The following ANK1 variants were observed in gnomAD, a reference collection of about 807,000 sequenced individuals.
ANK1 encodes the protein ankyrin-1.
A neutral mutation model predicts 210.4 loss-of-function variants in ANK1; 51 were observed. That is an observed-to-expected ratio of 0.24 (90% CI 0.19 to 0.31). The LOEUF is 0.31. ANK1 is among the 10% of genes least tolerant of loss of function. The pLI is 1.00. For synonymous variants in ANK1, 967 were observed against 1,025.9 expected, an observed-to-expected ratio of 0.94 and a Z score of 1.10; for missense variants, 2,051 against 2,504.4, an observed-to-expected ratio of 0.82 and a Z score of 3.86.
In ANK1 at chr8:41,870,858, T is replaced by G. The variant is rs1264940989; in HGVS notation, c.126+25497A>C. ...GGACACGTGGTGCTGCTGGGGGTCA[T>G]GGGTCGGAGCCTCTGCTTGGCGAAC... On this transcript the variant is annotated intron_variant, in intron 1 of 42. Coordinates refer to the ANK1 transcript ENST00000265709. Among the ~76,000 whole-genome samples, 9 of 152,262 alleles carry G rather than the reference T, an allele frequency of 5.9e-5. No homozygotes were observed. In the South Asian group the frequency reaches 8.3e-4, roughly 14 times the overall value.
rs373076668 is a variant in ANK1, at chr8:41,810,030, G to C, written c.127-51893C>G. On this transcript the variant is annotated intron_variant, in intron 1 of 42. Coordinates refer to the ANK1 transcript ENST00000265709. ...GTGTTATATGCAGGCAGTGGGGAGG[G>C]GGGACAGGGAGAGAGACTGAAGGAG... 5.9e-5 allele frequency among the ~76,000 whole-genome samples: 9 copies of C among 152,306 alleles called. No homozygotes were observed. In the South Asian group the frequency reaches 1.7e-3, roughly 28 times the overall value.
intron 1 of ANK1, among the ~76,000 whole-genome samples, chr8:41,852,422 C>T (rs1213856987): frequency 6.6e-6 from 1 of 152,196 alleles, no homozygotes; most frequent in African/African-American, 2.4e-5. Flanking sequence ...GCGAGAGGCT[C>T]TGCTGATGAC....
At chr8:41,712,917 C>T (rs771945761) in intron 16 of ANK1, among the ~76,000 whole-genome samples, 4 of 152,138 alleles carry the variant, frequency 2.6e-5, no homozygotes, top group African/African-American at 9.7e-5. Context: ...AAGTCGACAT[C>T]GCAGCGGGGC....
At chr8:41,697,077 C>T (rs1821255426) in intron 24 of ANK1, among the ~76,000 whole-genome samples, 1 of 31,938 alleles carries the variant, frequency 3.1e-5, no homozygotes, top group Admixed American at 6.1e-4. Context: ...GCACCTGCTG[C>T]AGACCCGCCC....
intron 20 of ANK1, 46 bp downstream of exon 20, chr8:41,703,995 G>A: frequency 6.5e-7 from 1 of 1,545,130 alleles, no homozygotes; most frequent in Non-Finnish European, 8.9e-7. Flanking sequence ...CAGGGCTGCT[G>A]CCATGGGGAG....
Position 41,664,822 on chromosome 8 carries a change from G to A in ANK1, c.5395-1080C>T, listed in dbSNP as rs143349452. 2.5e-6 allele frequency: 4 copies of A among 1,609,296 alleles called. No homozygotes were observed. The highest frequency in any genetic ancestry group is 2.2e-5 in the East Asian group (1 of 44,656). On this transcript the variant is annotated intron_variant, in intron 39 of 42. Coordinates refer to ENST00000289734, the MANE Select transcript of ANK1 (RefSeq NM_000037.4). The stretch of plus-strand genomic sequence containing the variant: ...GCGGTTACCTTCAGGAAGACCCGCC[G>A]CCGGACCACCCTGGTGGAGATGGTC...
intron 1 of ANK1, among the ~76,000 whole-genome samples, chr8:41,779,792 A>G (rs1007933402): frequency 6.6e-6 from 1 of 152,244 alleles, no homozygotes; most frequent in African/African-American, 2.4e-5. Flanking sequence ...AAGGTCACAT[A>G]GCAGAGAAGT....
At position 41,695,342 on chromosome 8, in the gene ANK1, G is replaced by A. The variant is rs201148593; in HGVS notation, c.2961-11C>T. 5.6e-5 allele frequency: 91 copies of A among 1,613,852 alleles called. 1 individual carries two copies. The African/African-American group carries it at 1.1e-3, about 20-fold the overall frequency. Reference sequence around the variant, plus strand: ...TCCACGATTACAGGGCTGAGGCAAGGACACAGTGGTGGTGGGGAGGTGCTC... The same window carrying A: ...TCCACGATTACAGGGCTGAGGCAAGAACACAGTGGTGGTGGGGAGGTGCTC... On this transcript the variant is annotated splice_polypyrimidine_tract_variant and intron_variant, in intron 26 of 42. Coordinates refer to ENST00000289734, the MANE Select transcript of ANK1 (RefSeq NM_000037.4).
At chr8:41,722,503 A>AGCAGTGTGG (rs1466110189) in intron 9 of ANK1, among the ~76,000 whole-genome samples, 1 of 152,260 alleles carries the variant, frequency 6.6e-6, no homozygotes, top group Non-Finnish European at 1.5e-5. Flanking sequence ...AGGCACAGGC[A>AGCAGTGTGG]GCAGTGTGGC....
At chr8:41,883,107 G>C (rs1347515067) in intron 1 of ANK1, among the ~76,000 whole-genome samples, 1 of 152,192 alleles carries the variant, frequency 6.6e-6, no homozygotes, top group Non-Finnish European at 1.5e-5. Flanking sequence ...CATATCCAAA[G>C]GGCCAGCTCT....
chr8:41,848,231 A>AAATAAATAAAT (rs1810463480), intron 1 of ANK1, among the ~76,000 whole-genome samples: 1 of 122,660 alleles, frequency 8.2e-6, no homozygotes, highest in Non-Finnish European at 1.8e-5. Flanking sequence ...AATAAATAAA[A>AAATAAATAAAT]CTGTGCAATA....
At position 41,730,621 on chromosome 8, in the gene ANK1, T is replaced by C. The variant is rs576770943; in HGVS notation, c.229-2615A>G. On this transcript the variant is annotated intron_variant, in intron 3 of 42. Transcript: ENST00000289734. ...TATCCATTGGAGAATAAATGCCAGA[T>C]ATGAAAGTCTGGAAGCTCATTAATA... 5.3e-5 allele frequency among the ~76,000 whole-genome samples: 8 copies of C among 152,180 alleles called. No homozygotes were observed. In the South Asian group the frequency reaches 1.7e-3, roughly 32 times the overall value.
chr8:41,850,816 A>G (rs1587416494), intron 1 of ANK1, among the ~76,000 whole-genome samples: 1 of 152,306 alleles, frequency 6.6e-6, no homozygotes, highest in Non-Finnish European at 1.5e-5. Context: ...AAACAAATGA[A>G]TGAGAAGCTT....
chr8:41,883,718 C>G (rs1369619483), intron 1 of ANK1, among the ~76,000 whole-genome samples: 1 of 152,118 alleles, frequency 6.6e-6, no homozygotes, highest in African/African-American at 2.4e-5. Flanking sequence ...CCTCAGCCAC[C>G]CAAAGAGCTG....
At chr8:41,658,989 T>C (rs911051272) in intron 42 of ANK1, among the ~76,000 whole-genome samples, 9 of 152,198 alleles carry the variant, frequency 5.9e-5, no homozygotes, top group Non-Finnish European at 1.5e-5. Flanking sequence ...CTAAGGGAAA[T>C]ACAAGGTTAG....
At chr8:41,698,219 T>A in intron 23 of ANK1, 98 bp from the exon 24 acceptor site, 1 of 1,300,638 alleles carries the variant, frequency 7.7e-7, no homozygotes, top group Non-Finnish European at 1.1e-6. Context: ...GGCTTTCCAC[T>A]CCAGAGCCTG....
intron 22 of ANK1, among the ~76,000 whole-genome samples, 194 bp downstream of exon 22, chr8:41,701,356 C>T (rs1302925229): frequency 6.6e-6 from 1 of 152,172 alleles, no homozygotes; most frequent in Non-Finnish European, 1.5e-5. Flanking sequence ...GTTCCCTCAC[C>T]TAAGTATTAA....
intron 39 of ANK1, among the ~76,000 whole-genome samples, chr8:41,666,315 G>T (rs573484081): frequency 6.6e-6 from 1 of 152,338 alleles, no homozygotes; most frequent in African/African-American, 2.4e-5. Context: ...AACCAAGGAG[G>T]TTCTATCGTC....
At chr8:41,848,157 C>T (rs1810430943) in intron 1 of ANK1, among the ~76,000 whole-genome samples, 1 of 150,526 alleles carries the variant, frequency 6.6e-6, no homozygotes, top group Admixed American at 6.6e-5. Context: ...TGCACTCCAG[C>T]CTGGGGGAAT....
Sources: allele counts gnomAD v4.1 joint callset (sites outside exome capture counted in the v4.1 genomes callset), GRCh38; gene constraint gnomAD v4.1.1; transcripts MANE v1.5; gene names NCBI Gene and HGNC (gene_info 2026-07-23, HGNC 2026-07-21).